The following SLC9A9 variants were observed in gnomAD, a reference collection of about 807,000 sequenced individuals.
The protein encoded by SLC9A9 is sodium/hydrogen exchanger 9.
SLC9A9 carries 62 observed loss-of-function variants against 77.8 expected under a neutral mutation model. That is an observed-to-expected ratio of 0.80 (90% CI 0.65 to 0.98). The LOEUF (loss-of-function observed/expected upper bound fraction) is 0.98. Ranked by LOEUF, SLC9A9 falls within the 50% of genes least tolerant of loss-of-function variation. The probability of loss-of-function intolerance (pLI) is 0.00; values close to 1 mark genes in which losing one functional copy is unlikely to be tolerated. For synonymous variants in SLC9A9, 320 were observed against 283.5 expected (o/e 1.13, Z -1.29); for missense variants, 775 against 774.9 (o/e 1.00, Z 0.00).
chr3:143,380,243 G>T (rs1040478899), intron 13 of SLC9A9, among the ~76,000 whole-genome samples: 2 of 152,124 alleles, frequency 1.3e-5, no homozygotes, highest in Non-Finnish European at 2.9e-5. Flanking sequence ...TAACAATGAT[G>T]AACTTTGTTT....
chr3:143,571,612 C>G (rs2037258937), intron 8 of SLC9A9, among the ~76,000 whole-genome samples: 1 of 124,224 alleles, frequency 8.0e-6, no homozygotes, highest in Non-Finnish European at 1.7e-5. Context: ...AGTTTGCCCA[C>G]TTTGATAAGC....
chr3:143,442,777 A>C (rs1302575858), intron 12 of SLC9A9, among the ~76,000 whole-genome samples: 2 of 152,250 alleles, frequency 1.3e-5, no homozygotes, highest in African/African-American at 4.8e-5. Flanking sequence ...TTAGCACTAG[A>C]AAGTGAAATG....
intron 12 of SLC9A9, among the ~76,000 whole-genome samples, chr3:143,465,208 A>G (rs973024461): frequency 1.3e-5 from 2 of 152,116 alleles, no homozygotes; most frequent in African/African-American, 4.8e-5. Context: ...GGCCAGGCTG[A>G]CTACCAGGCA....
chr3:143,518,977 A>T (rs2036249436), intron 9 of SLC9A9, among the ~76,000 whole-genome samples: 1 of 152,206 alleles, frequency 6.6e-6, no homozygotes, highest in Admixed American at 6.5e-5. Context: ...CAGCTGCTCC[A>T]CATCCTTGCC....
chr3:143,336,767 T>C (rs2108459785), intron 14 of SLC9A9, among the ~76,000 whole-genome samples: 1 of 152,246 alleles, frequency 6.6e-6, no homozygotes, highest in East Asian at 1.9e-4. Context: ...GTTCAATGGG[T>C]ATAGAGTTTC....
At chr3:143,661,310 C>T (rs2038975312) in intron 5 of SLC9A9, among the ~76,000 whole-genome samples, 1 of 152,130 alleles carries the variant, frequency 6.6e-6, no homozygotes, top group Non-Finnish European at 1.5e-5. Flanking sequence ...AAGACAGCAA[C>T]CTACTTATGA....
rs186322682 is a variant in SLC9A9, at chr3:143,778,457, G to A, written c.533+16544C>T. On this transcript the variant is annotated intron_variant, in intron 4 of 15. Transcript: ENST00000316549. ...TATCGCACAGCAATTTCACTATGGC[G>A]AATACTGGAATTCTTTAATACAGGG... Among the ~76,000 whole-genome samples the A allele has an allele frequency of 9.2e-5, 14 of 152,178 alleles. No individual in the cohort carries two copies. In the East Asian group the frequency reaches 2.1e-3, roughly 23 times the overall value.
intron 4 of SLC9A9, among the ~76,000 whole-genome samples, chr3:143,697,466 G>A (rs1933674232): frequency 6.6e-6 from 1 of 152,044 alleles, no homozygotes; most frequent in South Asian, 2.1e-4. Flanking sequence ...GTTATTCATT[G>A]TGTTACTTAA....
At chr3:143,581,382 T>C (rs16853857) in intron 6 of SLC9A9, among the ~76,000 whole-genome samples, 16,982 of 152,234 alleles carry the variant, frequency 0.11, 1,159 homozygotes, top group East Asian at 0.16. Flanking sequence ...TTTAGCCCTC[T>C]TGTGCCTACA....
intron 5 of SLC9A9, among the ~76,000 whole-genome samples, chr3:143,663,666 G>A (rs745718617): frequency 6.6e-5 from 10 of 152,244 alleles, no homozygotes; most frequent in South Asian, 4.1e-4. Context: ...ACTACGTGAC[G>A]CATGCACAAG....
intron 9 of SLC9A9, among the ~76,000 whole-genome samples, chr3:143,511,363 A>G (rs1576545114): frequency 6.6e-6 from 1 of 152,248 alleles, no homozygotes; most frequent in East Asian, 1.9e-4. Flanking sequence ...TTACTTCTTC[A>G]GCTCCCAGCT....
intron 4 of SLC9A9, among the ~76,000 whole-genome samples, chr3:143,784,071 T>C (rs2007968892): frequency 6.6e-6 from 1 of 152,188 alleles, no homozygotes; most frequent in Non-Finnish European, 1.5e-5. Context: ...TCAGCAGAGA[T>C]GTTGCTGCAA....
intron 2 of SLC9A9, among the ~76,000 whole-genome samples, chr3:143,819,632 A>G (rs1335103124): frequency 6.6e-6 from 1 of 152,174 alleles, no homozygotes; most frequent in Non-Finnish European, 1.5e-5. Context: ...TAAAAAAAAA[A>G]TTTCCATGGA....
intron 2 of SLC9A9, among the ~76,000 whole-genome samples, chr3:143,827,854 C>T (rs764667308): frequency 3.3e-5 from 5 of 152,068 alleles, no homozygotes; most frequent in Non-Finnish European, 5.9e-5. Flanking sequence ...GGAAAAGGAC[C>T]CAGTGGGGCC....
chr3:143,337,745 T>C (rs558700271), intron 14 of SLC9A9, among the ~76,000 whole-genome samples: 32 of 152,322 alleles, frequency 2.1e-4, no homozygotes, highest in Non-Finnish European at 3.2e-4. Flanking sequence ...TTGGCAAACC[T>C]TGATGCAGGT....
At chr3:143,331,797 G>A (rs776224206) in intron 14 of SLC9A9, among the ~76,000 whole-genome samples, 7 of 152,140 alleles carry the variant, frequency 4.6e-5, no homozygotes, top group Non-Finnish European at 1.0e-4. Context: ...AGTTGAGCAC[G>A]TAAACATAGA....
chr3:143,576,348 A>G (rs534950718), intron 7 of SLC9A9, among the ~76,000 whole-genome samples: 3 of 152,334 alleles, frequency 2.0e-5, no homozygotes, highest in African/African-American at 7.2e-5. Context: ...AACGTTTTCA[A>G]TAAATGTTAG....
At chr3:143,528,211 T>A (rs2036439236) in intron 9 of SLC9A9, among the ~76,000 whole-genome samples, 1 of 152,244 alleles carries the variant, frequency 6.6e-6, no homozygotes, top group South Asian at 2.1e-4. Context: ...TTATAGGCTC[T>A]GTGACCTCAG....
At chr3:143,448,517 G>T (rs1212313626) in intron 12 of SLC9A9, among the ~76,000 whole-genome samples, 2 of 152,044 alleles carry the variant, frequency 1.3e-5, no homozygotes, top group East Asian at 3.9e-4. Context: ...ATCCTCAAAA[G>T]CATGCAATTA....
Sources: allele counts gnomAD v4.1 joint callset (sites outside exome capture counted in the v4.1 genomes callset), GRCh38; gene constraint gnomAD v4.1.1; transcripts MANE v1.5; gene names NCBI Gene and HGNC (gene_info 2026-07-23, HGNC 2026-07-21).